Variants in AFDN observed in about 807,000 individuals in gnomAD.
The protein encoded by AFDN is afadin.
Under a neutral mutation model 216.6 loss-of-function variants are expected in AFDN, and 68 were observed. The ratio of observed to expected loss-of-function variants is 0.31; its 90% CI spans 0.26 to 0.38. AFDN has a LOEUF of 0.38. AFDN is among the 10% of genes least tolerant of loss of function. The probability of loss-of-function intolerance (pLI) is 1.00; values close to 1 mark genes in which losing one functional copy is unlikely to be tolerated. For missense variants in AFDN, 2,136 were observed against 2,342.0 expected (o/e 0.91, Z 1.82); for synonymous variants, 868 against 853.7 (o/e 1.02, Z -0.29).
At chr6:167,886,811 G>A (rs1786878546) in intron 6 of AFDN, among the ~76,000 whole-genome samples, 1 of 151,992 alleles carries the variant, frequency 6.6e-6, no homozygotes, top group Admixed American at 6.6e-5. Context: ...AGCTGTTGTG[G>A]TGTGAACACT....
Position 167,962,687 on chromosome 6 carries a change from C to T in AFDN, c.4968+120C>T. On this transcript the variant is annotated intron_variant, in intron 31 of 33. Transcript: ENST00000683244. This position sits in a 1 kb window ranked among gnomAD's most constrained non-coding sequence, Gnocchi z 5.2. ...TAAGAAGCACGAGGCAGAGCAGGGC[C>T]TGGCTCCCCCAGCTTTGTGATTGGA... The T allele has an allele frequency of 6.4e-7, 1 of 1,556,972 alleles. No homozygotes were observed. Among genetic ancestry groups the T allele is most frequent in the South Asian group, 1.2e-5 (1 of 81,722 alleles).
chr6:167,907,240 C>G lies in AFDN; in HGVS notation c.1720C>G (p.Pro574Ala). The G allele has an allele frequency of 6.2e-7, 1 of 1,614,076 alleles. No individual in the cohort carries two copies. The highest frequency in any genetic ancestry group is 8.5e-7 in the Non-Finnish European group (1 of 1,180,002). The change falls in exon 13 of 34, where the codon CCG (proline) becomes GCG (alanine). Residue 574 changes from proline (P) to alanine (A), a missense_variant. Pro to Ala is a conservative substitution (Grantham distance 27, BLOSUM62 -1). This residue lies in a region of AFDN where 817 missense variants were observed against 965.7 expected (regional missense o/e 0.85). Coordinates refer to ENST00000683244, the MANE Select transcript of AFDN (RefSeq NM_001386888.1). ...CACAGCCGAGCGGGGAATGGTGAAG[C>G]CGATGATCAGAGTAGAACAGCAGCC... ...SSTAERGMVK[P>A]MIRVEQQPDY... is the part of the protein sequence containing the mutation.
intron 22 of AFDN, 115 bp downstream of exon 22, chr6:167,923,074 G>A (rs639777): frequency 0.76 from 503,996 of 666,068 alleles, 193,127 homozygotes; most frequent in East Asian, 0.98. Flanking sequence ...TTTTAAAATC[G>A]CTGTTAAATA....
At chr6:167,950,885 G>A (rs1222165121) in intron 29 of AFDN, among the ~76,000 whole-genome samples, 13 of 146,400 alleles carry the variant, frequency 8.9e-5, no homozygotes, top group Non-Finnish European at 1.8e-4. Flanking sequence ...AATTTTAGTC[G>A]AGACAGAGAC....
At chr6:167,947,298 G>C (rs1447960243) in intron 27 of AFDN, among the ~76,000 whole-genome samples, 1 of 151,858 alleles carries the variant, frequency 6.6e-6, no homozygotes, top group Non-Finnish European at 1.5e-5. Context: ...TCCTGCCTTA[G>C]CTTCCCGAGT....
rs561020321 is a variant in AFDN at position 167,876,787 on chromosome 6, T to C, written c.739+1292T>C. Among the ~76,000 whole-genome samples the C allele has an allele frequency of 3.3e-5, 5 of 152,212 alleles. No homozygotes were observed. In the South Asian group the frequency reaches 1.0e-3, roughly 32 times the overall value. ...ACATTTACATTTTTTTTTTTTACGATAAAATAGGAAGTTTTTGTATGTCAG... is the reference window on the plus strand; with the variant it reads ...ACATTTACATTTTTTTTTTTTACGACAAAATAGGAAGTTTTTGTATGTCAG... On this transcript the variant is annotated intron_variant, in intron 5 of 33. Transcript: ENST00000683244.
intron 5 of AFDN, among the ~76,000 whole-genome samples, chr6:167,880,006 T>C (rs1279413015): frequency 6.6e-6 from 1 of 152,188 alleles, no homozygotes; most frequent in Non-Finnish European, 1.5e-5. Flanking sequence ...GCAAAGCAAT[T>C]GAATAAAGAG....
Position 167,962,322 on chromosome 6 carries a change from TTCTG to T in AFDN, c.4834-109_4834-106del. 1 of 1,364,294 alleles carries T rather than the reference TTCTG, an allele frequency of 7.3e-7. No individual in the cohort carries two copies. Among genetic ancestry groups the T allele is most frequent in the Non-Finnish European group, 9.8e-7 (1 of 1,023,414 alleles). The allele number at this position is 1,364,294 out of a possible 1,614,324, so 84.5% of individuals were successfully genotyped here. On this transcript the variant is annotated intron_variant, in intron 30 of 33. Coordinates refer to ENST00000683244, the MANE Select transcript of AFDN (RefSeq NM_001386888.1). This position sits in a 1 kb window ranked among gnomAD's most constrained non-coding sequence, Gnocchi z 5.2. Reference sequence around the variant, plus strand: ...TTAACCTGGTATTTTATATTTAACTTTCTGTGTGTGTGTGTTTGTGTATATGTGT... The same window carrying T: ...TTAACCTGGTATTTTATATTTAACTTTGTGTGTGTGTTTGTGTATATGTGT...
intron 2 of AFDN, among the ~76,000 whole-genome samples, chr6:167,868,216 G>C (rs1438517076): frequency 1.3e-5 from 2 of 152,210 alleles, no homozygotes; most frequent in Middle Eastern, 3.4e-3. Flanking sequence ...TCCAGAGATA[G>C]TATCTGTAAA....
Position 167,943,204 on chromosome 6 carries a change from AT to A in AFDN, c.3165+14del. 1 of 1,609,296 alleles carries A rather than the reference AT, an allele frequency of 6.2e-7. No homozygotes were observed. ...AGGTGCTGCAGATGTGGTCAGTATC[AT>A]TTTGAAAGAAGTACATTTTCAGTGT... On this transcript the variant is annotated intron_variant, in intron 24 of 33. Coordinates refer to ENST00000683244, the MANE Select transcript of AFDN (RefSeq NM_001386888.1).
At chr6:167,885,378 C>A (rs1191640628) in intron 6 of AFDN, among the ~76,000 whole-genome samples, 1 of 152,150 alleles carries the variant, frequency 6.6e-6, no homozygotes, top group Non-Finnish European at 1.5e-5. Context: ...TATGTTTAAT[C>A]AATTTTTAGC....
intron 5 of AFDN, among the ~76,000 whole-genome samples, chr6:167,877,224 T>C (rs770208849): frequency 2.0e-5 from 3 of 152,138 alleles, no homozygotes; most frequent in Non-Finnish European, 2.9e-5. Flanking sequence ...TGGAAAGATG[T>C]TGATGGACTG....
chr6:167,961,599 T>A (rs1390803757), intron 30 of AFDN, among the ~76,000 whole-genome samples: 1 of 135,722 alleles, frequency 7.4e-6, no homozygotes, highest in Middle Eastern at 3.5e-3. Context: ...AAGGTATCTT[T>A]CTGTGTTGTT....
chr6:167,936,487 C>A (rs1183042707), intron 23 of AFDN, among the ~76,000 whole-genome samples: 1 of 152,122 alleles, frequency 6.6e-6, no homozygotes, highest in South Asian at 2.1e-4. Flanking sequence ...TAATAGACTA[C>A]ATAGATTGTC....
intron 29 of AFDN, among the ~76,000 whole-genome samples, chr6:167,949,023 A>G (rs1005962657): frequency 5.3e-5 from 8 of 152,228 alleles, no homozygotes; most frequent in Non-Finnish European, 1.0e-4. Context: ...AGGGGTGGCA[A>G]GATCTAAGGC....
chr6:167,934,766 A>G (rs899324641), intron 23 of AFDN, among the ~76,000 whole-genome samples: 1 of 152,028 alleles, frequency 6.6e-6, no homozygotes, highest in Non-Finnish European at 1.5e-5. Context: ...GTACTCCCAC[A>G]CGCACTCAGG....
At chr6:167,915,464 T>G (rs200535919) in intron 19 of AFDN, 31 bp downstream of exon 19, 2 of 1,576,022 alleles carry the variant, frequency 1.3e-6, no homozygotes, top group African/African-American at 2.7e-5. Context: ...CCAGCTCATG[T>G]GCTTTATGAT....
chr6:167,941,937 T>C (rs186227766), intron 23 of AFDN, among the ~76,000 whole-genome samples: 24 of 152,346 alleles, frequency 1.6e-4, no homozygotes, highest in African/African-American at 5.8e-4. Context: ...ACCCATGAAA[T>C]TTGAAGTATA....
chr6:167,839,702 A>G (rs544040936), intron 1 of AFDN, among the ~76,000 whole-genome samples: 8 of 152,194 alleles, frequency 5.3e-5, no homozygotes, highest in East Asian at 1.9e-4. Flanking sequence ...GTGGTCATCC[A>G]CTATATGTAA....
Sources: gnomAD v4.1 joint callset for allele counts (sites outside exome capture counted in the v4.1 genomes callset) on GRCh38, gnomAD v4.1.1 for gene constraint, gnomAD v4.1.1 regional missense constraint, Gnocchi (gnomAD v3.1) non-coding constraint, MANE v1.5 for transcripts, NCBI Gene and HGNC (gene_info 2026-07-23, HGNC 2026-07-21) for gene names.